PSME4: variants seen among roughly 807,000 people sequenced by gnomAD.
PSME4 encodes proteasome activator subunit 4, also known as proteasome activator complex subunit 4.
Under a neutral mutation model 253.9 loss-of-function variants are expected in PSME4, and 89 were observed. That is an observed-to-expected ratio of 0.35 (90% CI 0.30 to 0.42). The LOEUF is 0.42. Ranked by LOEUF, PSME4 falls within the 10% of genes least tolerant of loss-of-function variation. The probability of loss-of-function intolerance (pLI) is 1.00; values close to 1 mark genes in which losing one functional copy is unlikely to be tolerated. For missense variants in PSME4, 2,014 were observed against 2,195.2 expected, an observed-to-expected ratio of 0.92 and a Z score of 1.65; for synonymous variants, 851 against 759.2, an observed-to-expected ratio of 1.12 and a Z score of -1.99.
chr2:53,940,659 C>G (rs979536101), intron 3 of PSME4, among the ~76,000 whole-genome samples: 2 of 151,274 alleles, frequency 1.3e-5, no homozygotes, highest in Admixed American at 6.6e-5. Context: ...CCAATGTGTA[C>G]TGGTTTAAAC....
chr2:53,883,451 G>A (rs775232732), intron 41 of PSME4, among the ~76,000 whole-genome samples: 1 of 152,302 alleles, frequency 6.6e-6, no homozygotes, highest in East Asian at 1.9e-4. Flanking sequence ...AGTGAGCCAT[G>A]ACTGCACCAC....
At chr2:53,902,634 T>A (rs1257256541) in intron 27 of PSME4, among the ~76,000 whole-genome samples, 1 of 152,200 alleles carries the variant, frequency 6.6e-6, no homozygotes, top group Non-Finnish European at 1.5e-5. Context: ...GAATAGTCAA[T>A]GAGTCAAACC....
In PSME4 at chr2:53,897,937, A is replaced by T. The variant is rs752431450; in HGVS notation, c.3539T>A (p.Val1180Glu). 1 of 1,613,284 alleles carries T rather than the reference A, an allele frequency of 6.2e-7. No homozygotes were observed. Among genetic ancestry groups the T allele is most frequent in the South Asian group, 1.1e-5 (1 of 91,058 alleles). ...LLSLLLRDDR[V>E]LPLRAIRFFV... ...AAACCGTATGGCACGAAGAGGCAACACTCGGTCATCTCTCAGCAGTAGAGA... is the reference window on the plus strand; with the variant it reads ...AAACCGTATGGCACGAAGAGGCAACTCTCGGTCATCTCTCAGCAGTAGAGA... Residue 1180 changes from valine to glutamate, a missense_variant, in exon 31 of 47, where the codon GTG becomes GAG. Transcript: ENST00000404125.
chr2:53,937,714 C>T (rs1394070171), intron 4 of PSME4, among the ~76,000 whole-genome samples, 174 bp from the exon 5 acceptor site: 1 of 152,000 alleles, frequency 6.6e-6, no homozygotes, highest in Non-Finnish European at 1.5e-5. Flanking sequence ...AATAAATGCC[C>T]CAGTTGGGTG....
intron 43 of PSME4, among the ~76,000 whole-genome samples, chr2:53,872,767 A>G (rs1029676367): frequency 1.1e-4 from 16 of 139,416 alleles, no homozygotes; most frequent in East Asian, 6.5e-4. Context: ...AAAAAAAAAA[A>G]AGAGAAACCA....
At chr2:53,915,725 C>A (rs1052603996) in intron 20 of PSME4, among the ~76,000 whole-genome samples, 1 of 151,842 alleles carries the variant, frequency 6.6e-6, no homozygotes, top group Non-Finnish European at 1.5e-5. Flanking sequence ...AAAAAAATTA[C>A]AGCAGCTAGA....
chr2:53,952,327 G>A (rs182423283), intron 1 of PSME4, among the ~76,000 whole-genome samples: 1 of 152,136 alleles, frequency 6.6e-6, no homozygotes, highest in African/African-American at 2.4e-5. Flanking sequence ...CGGATCACGA[G>A]GTCAAGAGAT....
At chr2:53,940,998 T>TATATATATATATATGTATATGA (rs1553338492) in intron 3 of PSME4, among the ~76,000 whole-genome samples, 1 of 85,908 alleles carries the variant, frequency 1.2e-5, no homozygotes, top group Non-Finnish European at 2.5e-5. Flanking sequence ...TATATATATA[T>TATATATATATATATGTATATGA]ATGAAAGGAG....
chr2:53,956,354 C>A (rs1363398936), intron 1 of PSME4, among the ~76,000 whole-genome samples: 1 of 151,652 alleles, frequency 6.6e-6, no homozygotes, highest in African/African-American at 2.4e-5. Flanking sequence ...CACGGTGAAA[C>A]CCCGTCTCTA....
intron 1 of PSME4, among the ~76,000 whole-genome samples, chr2:53,968,110 TA>T (rs1163609408): frequency 2.0e-5 from 3 of 151,588 alleles, no homozygotes; most frequent in Non-Finnish European, 4.4e-5. Context: ...CTGTCTCTAC[TA>T]AAAATACAAA....
rs749902440 is a variant in PSME4, at chr2:53,927,387, C to A, written c.1593+7G>T. ...TTAGCCCTTTTATAACCATAAAATACCCTTACTTCTGTGAGGTCATTTCTT... is the reference window on the plus strand; with the variant it reads ...TTAGCCCTTTTATAACCATAAAATAACCTTACTTCTGTGAGGTCATTTCTT... On this transcript the variant is annotated splice_region_variant and intron_variant, in intron 12 of 46. Coordinates refer to ENST00000404125, the MANE Select transcript of PSME4 (RefSeq NM_014614.3). 7 of 1,529,704 alleles carry A rather than the reference C, an allele frequency of 4.6e-6. No individual in the cohort carries two copies. The highest frequency in any genetic ancestry group is 2.3e-5 in the East Asian group (1 of 44,422). The allele number at this position is 1,529,704 out of a possible 1,614,324, so 94.8% of individuals were successfully genotyped here.
intron 1 of PSME4, among the ~76,000 whole-genome samples, chr2:53,951,202 C>G (rs923779957): frequency 2.0e-5 from 3 of 152,174 alleles, no homozygotes; most frequent in African/African-American, 7.2e-5. Flanking sequence ...CCTGCCTCAG[C>G]CTCCCCAGTA....
chr2:53,958,527 C>T (rs989377735), intron 1 of PSME4, among the ~76,000 whole-genome samples: 9 of 152,004 alleles, frequency 5.9e-5, no homozygotes, highest in African/African-American at 1.9e-4. Flanking sequence ...CATTTGAAAA[C>T]ACACACGAGT....
In PSME4 at chr2:53,907,801, G is replaced by A. The variant is rs548770936; in HGVS notation, c.2784+519C>T. On this transcript the variant is annotated intron_variant, in intron 24 of 46. Transcript: ENST00000404125. ...CTGTCTAAAGTATCTAGCAACTGTT[G>A]TCTAAACAATGAACTCATACAACCT... is the stretch of plus-strand genomic sequence containing the variant. Among the ~76,000 whole-genome samples, 10 of 152,126 alleles carry A rather than the reference G, an allele frequency of 6.6e-5. No individual in the cohort carries two copies. The East Asian group carries it at 1.9e-3, about 29-fold the overall frequency.
chr2:53,879,986 C>T (rs79122769), intron 41 of PSME4, among the ~76,000 whole-genome samples: 4,815 of 152,102 alleles, frequency 0.032, 237 homozygotes, highest in African/African-American at 0.11. Context: ...GAAGTATAAA[C>T]TTGACAAGGA....
At chr2:53,919,300 T>A in intron 19 of PSME4, 54 bp from the exon 20 acceptor site, 4 of 1,513,492 alleles carry the variant, frequency 2.6e-6, no homozygotes, top group Middle Eastern at 2.3e-4. Flanking sequence ...TTAATAAGCC[T>A]GCTAGAGCCT....
Position 53,888,774 on chromosome 2 carries a change from T to G in PSME4, c.4335A>C (p.Glu1445Asp). ...RDPRKLHWLF[E>D]LLLESPLSGE... ...CACTCAATGGTGATTCCAACAGCAG[T>G]TCAAAAAGCCAGTGAAGTTTCCGGG... is the stretch of plus-strand genomic sequence containing the variant. Residue 1445 changes from glutamate to aspartate, a missense_variant, in exon 38 of 47, where the codon GAA becomes GAC. Physicochemically the swap from Glu to Asp is conservative, Grantham distance 45. Coordinates refer to ENST00000404125, the MANE Select transcript of PSME4 (RefSeq NM_014614.3). 1.2e-6 allele frequency: 2 copies of G among 1,613,364 alleles called. No individual in the cohort carries two copies. Among genetic ancestry groups the G allele is most frequent in the Non-Finnish European group, 1.7e-6 (2 of 1,179,410 alleles).
At chr2:53,949,421 G>A in intron 1 of PSME4, 138 bp from the exon 2 acceptor site, 1 of 481,058 alleles carries the variant, frequency 2.1e-6, no homozygotes, top group East Asian at 3.4e-5. Flanking sequence ...AGGAAAATGT[G>A]GCATATACAA....
chr2:53,912,532 AC>A (rs1202612002), intron 20 of PSME4, among the ~76,000 whole-genome samples: 1 of 152,156 alleles, frequency 6.6e-6, no homozygotes, highest in Non-Finnish European at 1.5e-5. Flanking sequence ...ATCATGGCTC[AC>A]TGCAGCCCCA....
Sources: gnomAD v4.1 joint callset for allele counts (sites outside exome capture counted in the v4.1 genomes callset) on GRCh38, gnomAD v4.1.1 for gene constraint, MANE v1.5 for transcripts, NCBI Gene and HGNC (gene_info 2026-07-23, HGNC 2026-07-21) for gene names.